SALL1: variants seen among roughly 807,000 people sequenced by gnomAD.
SALL1 encodes the protein spalt like transcription factor 1, also known as sal-like protein 1.
Under a neutral mutation model 73.1 loss-of-function variants are expected in SALL1, and 10 were observed. The observed-to-expected ratio is 0.14, with a 90% CI of 0.08 to 0.23. The LOEUF is 0.23. SALL1 is among the 10% of genes least tolerant of loss of function. The pLI, the probability that SALL1 is intolerant of heterozygous loss-of-function variation, is 1.00. For synonymous variants in SALL1, 688 were observed against 689.8 expected (o/e 1.00, Z 0.04); for missense variants, 1,520 against 1,697.3 (o/e 0.90, Z 1.84).
At position 51,140,149 on chromosome 16, in the gene SALL1, A is replaced by C. The variant is rs943779127; in HGVS notation, c.2073T>G (p.Leu691=). 1 of 1,614,000 alleles carries C rather than the reference A, an allele frequency of 6.2e-7. No individual in the cohort carries two copies. The change falls in exon 2 of 3, where the codon CTT becomes CTG. Residue 691 remains leucine, a synonymous_variant. Coordinates refer to ENST00000251020, the MANE Select transcript of SALL1 (RefSeq NM_002968.3). The surrounding 1 kb of genome is among the most constrained non-coding windows in gnomAD (Gnocchi z 5.7). ...DSAQASETSK[L]QQLVENIDKK... ...TGTCAATGTTTTCTACCAGTTGCTG[A>C]AGCTTGGACGTCTCTGATGCCTGAG...
intron 1 of SALL1, chr16:51,150,314 C>G (rs1300732801): frequency 3.7e-6 from 3 of 816,106 alleles, no homozygotes; most frequent in Non-Finnish European, 4.4e-6. Context: ...GAAAACTATT[C>G]TATGACTTCT....
rs1366404972 is a variant in SALL1, at chr16:51,141,431, A to G, written c.791T>C (p.Leu264Ser). 1.2e-6 allele frequency: 2 copies of G among 1,614,074 alleles called. No individual in the cohort carries two copies. The highest frequency in any genetic ancestry group is 1.3e-5 in the African/African-American group (1 of 74,922). Residue 264 changes from leucine to serine, a missense_variant, in exon 2 of 3, where the codon TTG (leucine) becomes TCG (serine). Coordinates refer to ENST00000251020, the MANE Select transcript of SALL1 (RefSeq NM_002968.3). The surrounding 1 kb of genome is among the most constrained non-coding windows in gnomAD (Gnocchi z 5.4). ...ILLLASQNAD[L>S]PTSSSPSQGT... The stretch of plus-strand genomic sequence containing the variant: ...TTGAGAAGGACTAGAAGATGTTGGC[A>G]AGTCTGCATTCTGAGAAGCCAACAG...
intron 1 of SALL1, among the ~76,000 whole-genome samples, chr16:51,145,294 ATC>A (rs912692181): frequency 6.6e-6 from 1 of 151,960 alleles, no homozygotes; most frequent in Non-Finnish European, 1.5e-5. Context: ...GCTATCTTGT[ATC>A]TCTCTCAGTA....
At position 51,141,873 on chromosome 16, in the gene SALL1, T is replaced by C. The variant is rs755495124; in HGVS notation, c.349A>G (p.Asn117Asp). The C allele has an allele frequency of 1.2e-6, 2 of 1,613,808 alleles. No individual in the cohort carries two copies. The highest frequency in any genetic ancestry group is 1.3e-5 in the African/African-American group (1 of 74,880). Residue 117 changes from asparagine to aspartate, a missense_variant, in exon 2 of 3, where the codon AAC becomes GAC. Around this residue, in one of 7 missense-constraint regions of SALL1, gnomAD observed 540 missense variants for 567.5 expected, o/e 0.95. Coordinates refer to ENST00000251020, the MANE Select transcript of SALL1 (RefSeq NM_002968.3). This position sits in a 1 kb window ranked among gnomAD's most constrained non-coding sequence, Gnocchi z 5.4. ...QVDCSDLSEHNGLDREESMEV... is the reference protein window; with the variant it reads ...QVDCSDLSEHDGLDREESMEV... Reference sequence around the variant, plus strand: ...ATGGACTCTTCCCTGTCAAGTCCGTTGTGTTCTGAAAGGTCGCTGCAGTCC... The same window carrying C: ...ATGGACTCTTCCCTGTCAAGTCCGTCGTGTTCTGAAAGGTCGCTGCAGTCC...
chr16:51,137,871 G>A (rs771268230), intron 2 of SALL1, among the ~76,000 whole-genome samples: 7 of 152,142 alleles, frequency 4.6e-5, no homozygotes, highest in African/African-American at 1.4e-4. Context: ...AGGCAGTGGC[G>A]GATAGCTCCT....
chr16:51,151,026 T>C, intron 1 of SALL1, 140 bp downstream of exon 1: 1 of 473,564 alleles, frequency 2.1e-6, no homozygotes, highest in South Asian at 4.7e-5. Flanking sequence ...AAAAAAAAAT[T>C]ACGCCGAGTG....
At position 51,138,769 on chromosome 16, in the gene SALL1, A is replaced by G; in HGVS notation, c.3453T>C (p.Ile1151=). The G allele has an allele frequency of 1.2e-6, 2 of 1,614,204 alleles. No homozygotes were observed. The highest frequency in any genetic ancestry group is 1.7e-6 in the Non-Finnish European group (2 of 1,180,016). Residue 1151 remains isoleucine (I), a synonymous_variant, in exon 2 of 3, where the codon ATT becomes ATC. Transcript: ENST00000251020. The part of the protein sequence containing the change: ...KTFSSSSALQ[I]HERTHTGEKP... ...TCTCTCCAGTGTGAGTTCTCTCGTG[A>G]ATCTGCAGGGCACTCGATGAGGAGA...
chr16:51,140,361 C>G lies in SALL1; in HGVS notation c.1861G>C (p.Gly621Arg). Residue 621 changes from glycine (G) to arginine (R), a missense_variant, in exon 2 of 3, where the codon GGT becomes CGT. Coordinates refer to ENST00000251020, the MANE Select transcript of SALL1 (RefSeq NM_002968.3). This position sits in a 1 kb window ranked among gnomAD's most constrained non-coding sequence, Gnocchi z 5.7. ...EAEGSTLPPS[G>R]GKSEESGMVT... ...ATGCCACTCTCTTCGCTTTTGCCAC[C>G]AGAGGGTGGCAGAGTGGACCCTTCG... The G allele has an allele frequency of 1.2e-6, 2 of 1,614,136 alleles. No homozygotes were observed. The highest frequency in any genetic ancestry group is 1.7e-6 in the Non-Finnish European group (2 of 1,180,020).
intron 1 of SALL1, chr16:51,143,425 A>AAT: frequency 3.1e-6 from 1 of 318,614 alleles, no homozygotes; most frequent in Non-Finnish European, 6.5e-6. Flanking sequence ...AGAAAAAAAA[A>AAT]AAACTGTTTA....
chr16:51,144,195 G>A (rs917217889), intron 1 of SALL1, among the ~76,000 whole-genome samples: 1 of 152,062 alleles, frequency 6.6e-6, no homozygotes. Flanking sequence ...TTTAAACTAG[G>A]AAATGCAATT....
In SALL1 at chr16:51,137,211, A is replaced by C; in HGVS notation, c.3876T>G (p.Ala1292=). The change falls in exon 3 of 3, where the codon GCT becomes GCG. Residue 1292 remains alanine, a synonymous_variant. Transcript: ENST00000251020. ...LERLQNSEPN[A]PLAGLEKMAS... ...CCATTTTCTCCAGGCCGGCCAGGGGAGCATTGGGCTCTGAGTTCTGGAGCC... is the reference window on the plus strand; with the variant it reads ...CCATTTTCTCCAGGCCGGCCAGGGGCGCATTGGGCTCTGAGTTCTGGAGCC... 6.2e-7 allele frequency: 1 copy of C among 1,613,900 alleles called. No individual in the cohort carries two copies. Among genetic ancestry groups the C allele is most frequent in the Non-Finnish European group, 8.5e-7 (1 of 1,179,984 alleles).
At chr16:51,152,176 G>C (rs759323924), upstream of SALL1, 1 of 152,124 alleles carries the variant, frequency 6.6e-6, no homozygotes, top group African/African-American at 2.4e-5. Flanking sequence ...TCCAGGAAAG[G>C]TTTGGGAACC....
At chr16:51,150,595 A>G (rs1200398267) in intron 1 of SALL1, 1 of 985,780 alleles carries the variant, frequency 1.0e-6, no homozygotes, top group Admixed American at 6.1e-5. Context: ...TGAACCTCCA[A>G]AGACACCCGG....
Position 51,139,379 on chromosome 16 carries a change from G to C in SALL1, c.2843C>G (p.Pro948Arg). 6.2e-7 allele frequency: 1 copy of C among 1,614,156 alleles called. No individual in the cohort carries two copies. The highest frequency in any genetic ancestry group is 8.5e-7 in the Non-Finnish European group (1 of 1,180,034). ...AAACTCGCTTGGGACCGCTCTCTGT[G>C]GTTTCTCCTCAATGCTGGGTGACTT... ...FHKSPSIEEKPQRAVPSEFAN... is the reference protein window; with the variant it reads ...FHKSPSIEEKRQRAVPSEFAN... Residue 948 changes from proline (P) to arginine (R), a missense_variant, in exon 2 of 3, where the codon CCA (proline) becomes CGA (arginine). By Grantham distance (103) the Pro-to-Arg change is moderately radical (BLOSUM62 -2). Coordinates refer to ENST00000251020, the MANE Select transcript of SALL1 (RefSeq NM_002968.3).
Position 51,139,748 on chromosome 16 carries a change from G to C in SALL1, c.2474C>G (p.Ser825Cys). 1 of 1,614,226 alleles carries C rather than the reference G, an allele frequency of 6.2e-7. No homozygotes were observed. The highest frequency in any genetic ancestry group is 8.5e-7 in the Non-Finnish European group (1 of 1,180,042). Residue 825 changes from serine to cysteine, a missense_variant, in exon 2 of 3, where the codon TCT (serine) becomes TGT (cysteine). Physicochemically the swap from Ser to Cys is moderately radical, Grantham distance 112. This residue lies in a region of SALL1 where 266 missense variants were observed against 275.1 expected (regional missense o/e 0.97). Transcript: ENST00000251020. ...EKNFDDLDNFSDENMEDCPEG... is the reference protein window; with the variant it reads ...EKNFDDLDNFCDENMEDCPEG... Reference sequence around the variant, plus strand: ...AGGACAGTCTTCCATGTTTTCATCAGAGAAGTTGTCTAGGTCATCAAAATT... The same window carrying C: ...AGGACAGTCTTCCATGTTTTCATCACAGAAGTTGTCTAGGTCATCAAAATT...
In SALL1 at chr16:51,139,720, C is replaced by T. The variant is rs1049938650; in HGVS notation, c.2502G>A (p.Glu834=). 1 of 1,614,122 alleles carries T rather than the reference C, an allele frequency of 6.2e-7. No homozygotes were observed. The highest frequency in any genetic ancestry group is 8.5e-7 in the Non-Finnish European group (1 of 1,180,042). The part of the protein sequence containing the change: ...FSDENMEDCP[E]GSIPDTPKSA... Reference sequence around the variant, plus strand: ...ACTTAGGTGTATCAGGGATGCTGCCCTCAGGACAGTCTTCCATGTTTTCAT... The same window carrying T: ...ACTTAGGTGTATCAGGGATGCTGCCTTCAGGACAGTCTTCCATGTTTTCAT... The change falls in exon 2 of 3, where the codon GAG becomes GAA. Residue 834 remains glutamate (E), a synonymous_variant. Transcript: ENST00000251020.
chr16:51,136,985 ATGT>A lies in SALL1; in HGVS notation c.*124_*126del, dbSNP rs1488467472. ...CAAGGTACAAAAGAATGTCTTCATA[ATGT>A]TGTAGTTCATAGATCTGGGGAACAG... is the stretch of plus-strand genomic sequence containing the variant. On this transcript the variant is annotated 3_prime_UTR_variant, in exon 3 of 3. Coordinates refer to ENST00000251020, the MANE Select transcript of SALL1 (RefSeq NM_002968.3). The A allele has an allele frequency of 8.2e-6, 6 of 729,784 alleles. No individual in the cohort carries two copies. The highest frequency in any genetic ancestry group is 4.1e-5 in the African/African-American group (2 of 48,976). 45.2% of individuals were successfully genotyped at this position (729,784 alleles called of 1,614,324 possible). A position where few individuals can be genotyped will look rare whatever the true frequency, so the allele number is the denominator to read the frequency against.
upstream of SALL1, chr16:51,152,042 G>C (rs1567320205): frequency 2.1e-5 from 3 of 142,916 alleles, no homozygotes; most frequent in Non-Finnish European, 4.5e-5. Context: ...GTGGGGAAGA[G>C]CCAGCCCCAC....
At chr16:51,146,095 C>T (rs1314833637) in intron 1 of SALL1, among the ~76,000 whole-genome samples, 1 of 149,342 alleles carries the variant, frequency 6.7e-6, no homozygotes, top group African/African-American at 2.5e-5. Flanking sequence ...TTAAACACTA[C>T]GACATATGCT....
Sources: gnomAD v4.1 joint callset for allele counts (sites outside exome capture counted in the v4.1 genomes callset) on GRCh38, gnomAD v4.1.1 for gene constraint, gnomAD v4.1.1 regional missense constraint, Gnocchi (gnomAD v3.1) non-coding constraint, MANE v1.5 for transcripts, NCBI Gene and HGNC (gene_info 2026-07-23, HGNC 2026-07-21) for gene names.